The following CDH22 variants were observed in gnomAD, a reference collection of about 807,000 sequenced individuals.
CDH22 encodes cadherin-22.
In CDH22, 30 loss-of-function variants were observed where a neutral mutation model predicts 58.4. The ratio of observed to expected loss-of-function variants is 0.51; its 90% CI spans 0.38 to 0.70. The LOEUF is 0.70. Among genes scored for constraint, CDH22 ranks in the 30% least tolerant of loss-of-function variants. The pLI, the probability that CDH22 is intolerant of heterozygous loss-of-function variation, is 0.00. For missense variants in CDH22, 1,014 were observed against 1,233.9 expected, an observed-to-expected ratio of 0.82 and a Z score of 2.67; for synonymous variants, 513 against 558.2, an observed-to-expected ratio of 0.92 and a Z score of 1.14.
chr20:46,200,720 C>G (rs954100442), intron 7 of CDH22, among the ~76,000 whole-genome samples: 1 of 152,200 alleles, frequency 6.6e-6, no homozygotes, highest in Non-Finnish European at 1.5e-5. Context: ...ATGGCAAACA[C>G]TGCAAAATGG....
intron 7 of CDH22, among the ~76,000 whole-genome samples, chr20:46,200,127 C>T (rs2085946374): frequency 6.6e-6 from 1 of 152,026 alleles, no homozygotes; most frequent in African/African-American, 2.4e-5. Context: ...GTGCCCGCCA[C>T]CACGCCCGGC....
At position 46,189,986 on chromosome 20, in the gene CDH22, T is replaced by C. The variant is rs1359349191; in HGVS notation, c.1424-3039A>G. Among the ~76,000 whole-genome samples the C allele has an allele frequency of 3.9e-5, 6 of 152,000 alleles. 1 individual carries two copies. Among genetic ancestry groups the C allele is most frequent in the Non-Finnish European group, 1.5e-5 (1 of 67,950 alleles). ...TTTAAACAGCTCCAGAGGATCAGCC[T>C]GTAGCAAGGTTTGCAAACCACTATG... On this transcript the variant is annotated intron_variant, in intron 8 of 11. Coordinates refer to ENST00000537909, the MANE Select transcript of CDH22 (RefSeq NM_021248.3).
At chr20:46,299,215 A>G (rs2086640716) in intron 1 of CDH22, among the ~76,000 whole-genome samples, 1 of 152,144 alleles carries the variant, frequency 6.6e-6, no homozygotes, top group Non-Finnish European at 1.5e-5. Context: ...ACCAGCTGAC[A>G]CCGAAGCCTT....
chr20:46,190,662 C>T (rs1176965167), intron 8 of CDH22, among the ~76,000 whole-genome samples: 1 of 152,232 alleles, frequency 6.6e-6, no homozygotes, highest in Non-Finnish European at 1.5e-5. Context: ...TATTTTTAAA[C>T]TAATTGATGC....
At chr20:46,274,733 G>A (rs1292576722) in intron 1 of CDH22, among the ~76,000 whole-genome samples, 1 of 150,644 alleles carries the variant, frequency 6.6e-6, no homozygotes, top group Non-Finnish European at 1.5e-5. Flanking sequence ...AACCAGAGGA[G>A]TACTATTAAG....
At chr20:46,178,586 CTTT>C (rs33937889) in intron 10 of CDH22, among the ~76,000 whole-genome samples, 7 of 95,374 alleles carry the variant, frequency 7.3e-5, no homozygotes, top group African/African-American at 2.5e-4. Flanking sequence ...CTGGCGTTGT[CTTT>C]TTTTTTTTTT....
chr20:46,267,222 C>A (rs1431400740), intron 1 of CDH22, among the ~76,000 whole-genome samples: 2 of 152,110 alleles, frequency 1.3e-5, no homozygotes, highest in African/African-American at 4.8e-5. Context: ...TAGCTTCTAG[C>A]AGATTCTGAT....
At chr20:46,291,033 T>C (rs2086599714) in intron 1 of CDH22, among the ~76,000 whole-genome samples, 2 of 152,156 alleles carry the variant, frequency 1.3e-5, no homozygotes, top group Admixed American at 1.3e-4. Context: ...ATCCCAGCAC[T>C]GTGGGAAGAG....
chr20:46,269,325 A>C (rs988507606), intron 1 of CDH22, among the ~76,000 whole-genome samples: 6 of 152,174 alleles, frequency 3.9e-5, no homozygotes, highest in Non-Finnish European at 8.8e-5. Flanking sequence ...TTCCTGATGG[A>C]GAGAGGCCCA....
chr20:46,269,067 C>G (rs897285072), intron 1 of CDH22, among the ~76,000 whole-genome samples: 2 of 152,222 alleles, frequency 1.3e-5, no homozygotes, highest in Non-Finnish European at 2.9e-5. Flanking sequence ...AATAATTGAT[C>G]AGGCCCTGTG....
At chr20:46,299,505 G>A (rs1449242725) in intron 1 of CDH22, among the ~76,000 whole-genome samples, 3 of 152,236 alleles carry the variant, frequency 2.0e-5, no homozygotes, top group Non-Finnish European at 4.4e-5. Flanking sequence ...GCCTGCTCAT[G>A]TAGTCACGTT....
chr20:46,293,108 C>A (rs2086612153), intron 1 of CDH22, among the ~76,000 whole-genome samples: 1 of 152,044 alleles, frequency 6.6e-6, no homozygotes, highest in African/African-American at 2.4e-5. Context: ...GAGGAGACTG[C>A]CAAGACCCCT....
At chr20:46,246,174 G>A (rs1464521944) in intron 2 of CDH22, among the ~76,000 whole-genome samples, 3 of 152,146 alleles carry the variant, frequency 2.0e-5, no homozygotes, top group Non-Finnish European at 2.9e-5. Context: ...ACAATTAAAC[G>A]GACAGTGCGG....
In CDH22 at chr20:46,251,409, C is replaced by T; in HGVS notation, c.-115G>A. The T allele has an allele frequency of 1.6e-6, 2 of 1,214,534 alleles. No individual in the cohort carries two copies. Among genetic ancestry groups the T allele is most frequent in the South Asian group, 4.6e-5 (2 of 43,516 alleles). The allele number at this position is 1,214,534 out of a possible 1,614,324, so 75.2% of individuals were successfully genotyped here. On this transcript the variant is annotated 5_prime_UTR_variant, in exon 2 of 12. Coordinates refer to ENST00000537909, the MANE Select transcript of CDH22 (RefSeq NM_021248.3). This position sits in a 1 kb window ranked among gnomAD's most constrained non-coding sequence, Gnocchi z 6.7. The stretch of plus-strand genomic sequence containing the variant: ...CACATGGTGGCCTCAGCGCGGCCGC[C>T]GGGATGTCGCCCCCGACGGGGCACC...
chr20:46,286,531 T>G (rs2086577477), intron 1 of CDH22, among the ~76,000 whole-genome samples: 1 of 152,202 alleles, frequency 6.6e-6, no homozygotes, highest in African/African-American at 2.4e-5. Flanking sequence ...GCTTTTCATT[T>G]CAGTGGCCGC....
At chr20:46,179,282 C>T (rs979990778) in intron 10 of CDH22, among the ~76,000 whole-genome samples, 1 of 152,214 alleles carries the variant, frequency 6.6e-6, no homozygotes, top group African/African-American at 2.4e-5. Context: ...TCCTCCTTCT[C>T]CCCGCGGTCT....
At chr20:46,225,052 T>C (rs1318443060) in intron 4 of CDH22, among the ~76,000 whole-genome samples, 2 of 152,238 alleles carry the variant, frequency 1.3e-5, no homozygotes. Flanking sequence ...GAGCATGTCA[T>C]TTCCTTGCTT....
At chr20:46,237,838 T>C (rs2086264753) in intron 3 of CDH22, among the ~76,000 whole-genome samples, 1 of 152,198 alleles carries the variant, frequency 6.6e-6, no homozygotes, top group Non-Finnish European at 1.5e-5. Flanking sequence ...CAAGGACCCT[T>C]GCCATTCCAA....
chr20:46,184,867 C>T (rs2085813287), intron 10 of CDH22, among the ~76,000 whole-genome samples: 1 of 152,104 alleles, frequency 6.6e-6, no homozygotes, highest in Non-Finnish European at 1.5e-5. Flanking sequence ...GGGCAGATCA[C>T]CTGAGGTCAG....
Sources: gnomAD v4.1 joint callset for allele counts (sites outside exome capture counted in the v4.1 genomes callset) on GRCh38, gnomAD v4.1.1 for gene constraint, Gnocchi (gnomAD v3.1) non-coding constraint, MANE v1.5 for transcripts, NCBI Gene and HGNC (gene_info 2026-07-23, HGNC 2026-07-21) for gene names.